Variants in RALGAPA1 observed in about 807,000 individuals in gnomAD.
RALGAPA1 encodes Ral GTPase activating protein catalytic subunit alpha 1.
RALGAPA1 carries 52 observed loss-of-function variants against 269.6 expected under a neutral mutation model. The ratio of observed to expected loss-of-function variants is 0.19; its 90% CI spans 0.15 to 0.24. The LOEUF is 0.24. Ranked by LOEUF, RALGAPA1 falls within the 10% of genes least tolerant of loss-of-function variation. The pLI is 1.00. For synonymous variants in RALGAPA1, 817 were observed against 1,008.3 expected (o/e 0.81, Z 3.60); for missense variants, 1,917 against 3,013.9 (o/e 0.64, Z 8.52).
At chr14:35,683,033 TC>T (rs1272717811) in intron 21 of RALGAPA1, among the ~76,000 whole-genome samples, 1 of 152,166 alleles carries the variant, frequency 6.6e-6, no homozygotes, top group Non-Finnish European at 1.5e-5. Context: ...TCTTGCAAGT[TC>T]CAGCCAACCA....
At chr14:35,645,346 G>GGGGTGTGTGTGTGTGTGT (rs71445953) in intron 31 of RALGAPA1, among the ~76,000 whole-genome samples, 59 of 129,556 alleles carry the variant, frequency 4.6e-4, no homozygotes, top group African/African-American at 1.6e-3. Context: ...TATAGAGATG[G>GGGGTGTGTGTGTGTGTGT]GTGTGTGTGT....
intron 39 of RALGAPA1, among the ~76,000 whole-genome samples, chr14:35,553,154 C>T (rs1360759437): frequency 6.6e-6 from 1 of 152,194 alleles, no homozygotes; most frequent in African/African-American, 2.4e-5. Context: ...GCCCTGACAC[C>T]TGTCCTGAAA....
intron 13 of RALGAPA1, among the ~76,000 whole-genome samples, chr14:35,727,619 T>C (rs1284151599): frequency 6.6e-6 from 1 of 152,026 alleles, no homozygotes; most frequent in Non-Finnish European, 1.5e-5. Context: ...GTAGGAAATA[T>C]AAAAATAAGA....
intron 35 of RALGAPA1, among the ~76,000 whole-genome samples, chr14:35,607,142 T>C (rs1426964470): frequency 1.3e-5 from 2 of 152,194 alleles, no homozygotes; most frequent in Non-Finnish European, 2.9e-5. Flanking sequence ...CCTAAAGTCA[T>C]AGAGCAAACA....
At chr14:35,700,597 T>G (rs1023594764) in intron 16 of RALGAPA1, among the ~76,000 whole-genome samples, 5 of 152,180 alleles carry the variant, frequency 3.3e-5, no homozygotes, top group Non-Finnish European at 7.3e-5. Context: ...TAGCATTATG[T>G]TCTCAAAACC....
rs141918498 is a variant in RALGAPA1 at position 35,708,160 on chromosome 14, A to C, written c.2267-7858T>G. On this transcript the variant is annotated intron_variant, in intron 16 of 41. Coordinates refer to ENST00000680220, the MANE Select transcript of RALGAPA1 (RefSeq NM_001346249.2). ...AAGATCTCAAACTATGACATTATTG[A>C]AAGAAAACTTTGGGGAAACTCTCCA... Among the ~76,000 whole-genome samples the C allele has an allele frequency of 1.1e-4, 16 of 152,264 alleles. No homozygotes were observed. The East Asian group carries it at 2.9e-3, about 28-fold the overall frequency.
intron 38 of RALGAPA1, among the ~76,000 whole-genome samples, chr14:35,572,137 T>C (rs534181437): frequency 6.6e-6 from 1 of 152,296 alleles, no homozygotes; most frequent in East Asian, 1.9e-4. Context: ...ATTTGTAGAA[T>C]CCTCATTTAT....
At chr14:35,580,280 T>G (rs1191579432) in intron 37 of RALGAPA1, among the ~76,000 whole-genome samples, 4 of 152,198 alleles carry the variant, frequency 2.6e-5, no homozygotes, top group Admixed American at 2.6e-4. Context: ...AAGCAGAGTA[T>G]CAGCAAGTGG....
At chr14:35,716,423 C>T (rs1462643045) in intron 16 of RALGAPA1, among the ~76,000 whole-genome samples, 1 of 139,250 alleles carries the variant, frequency 7.2e-6, no homozygotes, top group Admixed American at 7.1e-5. Flanking sequence ...AAAAAAAAGA[C>T]TATTGCAATG....
chr14:35,552,181 C>CT (rs1032043407), intron 39 of RALGAPA1, among the ~76,000 whole-genome samples: 11 of 151,998 alleles, frequency 7.2e-5, no homozygotes, highest in African/African-American at 1.7e-4. Flanking sequence ...CCGGCCCCCG[C>CT]TTTTTTTACT....
At chr14:35,653,380 G>A (rs184021297) in intron 30 of RALGAPA1, among the ~76,000 whole-genome samples, 39 of 152,288 alleles carry the variant, frequency 2.6e-4, no homozygotes, top group African/African-American at 7.9e-4. Context: ...AGCAGATAGC[G>A]ATTTTTATTT....
At chr14:35,691,050 C>T (rs1003584836) in intron 17 of RALGAPA1, among the ~76,000 whole-genome samples, 1 of 151,488 alleles carries the variant, frequency 6.6e-6, no homozygotes, top group East Asian at 1.9e-4. Context: ...GCCTGGGCAA[C>T]AAGAGCAAAA....
intron 28 of RALGAPA1, among the ~76,000 whole-genome samples, chr14:35,658,723 A>G (rs1020676489): frequency 4.6e-5 from 7 of 151,362 alleles, no homozygotes; most frequent in African/African-American, 1.7e-4. Flanking sequence ...ATATTAAAAT[A>G]TACTATTTTC....
intron 1 of RALGAPA1, among the ~76,000 whole-genome samples, chr14:35,797,992 C>G (rs1468564435): frequency 1.3e-5 from 2 of 150,372 alleles, no homozygotes; most frequent in Non-Finnish European, 3.0e-5. Flanking sequence ...CCTGCCTCAG[C>G]CTCTCAAGTA....
intron 8 of RALGAPA1, among the ~76,000 whole-genome samples, chr14:35,751,334 T>C (rs1203970844): frequency 3.9e-5 from 6 of 152,328 alleles, no homozygotes; most frequent in Admixed American, 1.3e-4. Flanking sequence ...TAACACTTGA[T>C]TGAACCCCCA....
At chr14:35,613,147 T>C (rs2060059640) in intron 35 of RALGAPA1, among the ~76,000 whole-genome samples, 1 of 151,946 alleles carries the variant, frequency 6.6e-6, no homozygotes, top group African/African-American at 2.4e-5. Flanking sequence ...AGTGGCACGA[T>C]GTTGGCTCAC....
Position 35,597,776 on chromosome 14 carries a change from T to A in RALGAPA1, c.7054-1987A>T, listed in dbSNP as rs371815358. On this transcript the variant is annotated intron_variant, in intron 36 of 41. Coordinates refer to ENST00000680220, the MANE Select transcript of RALGAPA1 (RefSeq NM_001346249.2). ...ACTTCTATAACTATCATTTCAAGAA[T>A]GTTGTACGAATTAAAGGACATAGGA... 6.6e-5 allele frequency among the ~76,000 whole-genome samples: 10 copies of A among 152,330 alleles called. 1 individual carries two copies. Among genetic ancestry groups the A allele is most frequent in the African/African-American group, 1.7e-4 (7 of 41,570 alleles).
intron 16 of RALGAPA1, among the ~76,000 whole-genome samples, chr14:35,702,780 C>T (rs1181875961): frequency 6.8e-6 from 1 of 148,090 alleles, no homozygotes; most frequent in Non-Finnish European, 1.5e-5. Context: ...CGCTATGTCA[C>T]CCAGGCTGGA....
chr14:35,659,559 A>G (rs971222043), intron 27 of RALGAPA1, among the ~76,000 whole-genome samples: 2 of 152,074 alleles, frequency 1.3e-5, no homozygotes, highest in African/African-American at 4.8e-5. Flanking sequence ...AGAATTTAAG[A>G]AGAATCTTTC....
Sources: allele counts gnomAD v4.1 joint callset (sites outside exome capture counted in the v4.1 genomes callset), GRCh38; gene constraint gnomAD v4.1.1; transcripts MANE v1.5; gene names NCBI Gene and HGNC (gene_info 2026-07-23, HGNC 2026-07-21).